Variants in MYO1E observed in about 807,000 individuals in gnomAD.
MYO1E encodes the protein myosin IE, also known as unconventional myosin-Ie.
A neutral mutation model predicts 151.1 loss-of-function variants in MYO1E; 68 were observed. The ratio of observed to expected loss-of-function variants is 0.45; its 90% confidence interval spans 0.37 to 0.55. The LOEUF is 0.55. Ranked by LOEUF, MYO1E falls within the 20% of genes least tolerant of loss-of-function variation. MYO1E has a pLI of 0.00. For missense variants in MYO1E, 1,363 were observed against 1,389.3 expected, an observed-to-expected ratio of 0.98 and a Z score of 0.30; for synonymous variants, 601 against 501.7, an observed-to-expected ratio of 1.20 and a Z score of -2.64.
chr15:59,277,275 G>A (rs1453805652), intron 1 of MYO1E, among the ~76,000 whole-genome samples: 2 of 152,060 alleles, frequency 1.3e-5, no homozygotes, highest in African/African-American at 2.4e-5. Context: ...GGCCAGGCGC[G>A]GTGGCTCATA....
intron 1 of MYO1E, among the ~76,000 whole-genome samples, chr15:59,357,768 G>A (rs992600574): frequency 6.6e-6 from 1 of 152,116 alleles, no homozygotes; most frequent in South Asian, 2.1e-4. Flanking sequence ...AATTTTCAAT[G>A]ATGAGGCTCA....
chr15:59,365,361 T>C (rs1202681347), intron 1 of MYO1E, among the ~76,000 whole-genome samples: 7 of 152,110 alleles, frequency 4.6e-5, no homozygotes, highest in African/African-American at 1.7e-4. Flanking sequence ...TACAGTAACC[T>C]TCCACCTACA....
At chr15:59,296,111 T>C (rs1378808420) in intron 1 of MYO1E, among the ~76,000 whole-genome samples, 1 of 152,106 alleles carries the variant, frequency 6.6e-6, no homozygotes, top group Non-Finnish European at 1.5e-5. Flanking sequence ...AGCTTAGCAA[T>C]GCACCACCCT....
At chr15:59,288,920 C>T (rs2080403540) in intron 1 of MYO1E, among the ~76,000 whole-genome samples, 1 of 152,148 alleles carries the variant, frequency 6.6e-6, no homozygotes. Flanking sequence ...AGACTGATGC[C>T]TTGTAGGCAA....
chr15:59,157,502 T>C (rs2140308812), intron 25 of MYO1E, among the ~76,000 whole-genome samples: 1 of 152,290 alleles, frequency 6.6e-6, no homozygotes, highest in Middle Eastern at 3.4e-3. Flanking sequence ...GAACAATTCC[T>C]AAGGCTTAGG....
intron 1 of MYO1E, among the ~76,000 whole-genome samples, chr15:59,347,758 T>C (rs968718142): frequency 8.6e-5 from 13 of 152,028 alleles, no homozygotes; most frequent in African/African-American, 3.1e-4. Context: ...TAAATTATTT[T>C]TAAGACCACT....
intron 1 of MYO1E, among the ~76,000 whole-genome samples, chr15:59,321,873 G>C (rs1386795241): frequency 6.7e-5 from 10 of 149,794 alleles, no homozygotes; most frequent in African/African-American, 2.5e-4. Context: ...CTCAAAAAAA[G>C]AAAAGAAAAG....
chr15:59,263,609 T>C (rs2080236741), intron 2 of MYO1E, among the ~76,000 whole-genome samples: 1 of 152,222 alleles, frequency 6.6e-6, no homozygotes, highest in South Asian at 2.1e-4. Context: ...GCATGCAGAA[T>C]GACATGATTA....
chr15:59,173,898 T>G lies in MYO1E; in HGVS notation c.2182A>C (p.Asn728His). The change falls in exon 21 of 28, where the codon AAC becomes CAC. Residue 728 changes from asparagine to histidine, a missense_variant. Asn to His is a moderately conservative substitution (Grantham distance 68). Transcript: ENST00000288235. Reference sequence around the variant, plus strand: ...CTGTTTCTCCTTCTCTCCTTCTTGTTCAATAAGAGGTCTGAGGCTACAATT... The same window carrying G: ...CTGTTTCTCCTTCTCTCCTTCTTGTGCAATAAGAGGTCTGAGGCTACAATT... ...MREEASDLLL[N>H]KKERRRNSIN... 3.7e-6 allele frequency: 6 copies of G among 1,614,148 alleles called. No individual in the cohort carries two copies. The highest frequency in any genetic ancestry group is 5.1e-6 in the Non-Finnish European group (6 of 1,180,020).
At chr15:59,212,038 C>T (rs1407747169) in intron 12 of MYO1E, among the ~76,000 whole-genome samples, 2 of 152,120 alleles carry the variant, frequency 1.3e-5, no homozygotes, top group Non-Finnish European at 2.9e-5. Flanking sequence ...GGTCCTCATT[C>T]CACTTACTGT....
In MYO1E at chr15:59,147,596, C is replaced by CAA. The variant is rs748173480; in HGVS notation, c.3080+5992_3080+5993dup. 1.5e-3 allele frequency among the ~76,000 whole-genome samples: 97 copies of CAA among 66,090 alleles called. 2 individuals are homozygous for CAA. Among genetic ancestry groups the CAA allele is most frequent in the African/African-American group, 5.6e-3 (86 of 15,454 alleles). 43.4% of individuals were successfully genotyped at this position (66,090 alleles called of 152,430 possible). A position where few individuals can be genotyped will look rare whatever the true frequency, so the allele number is the denominator to read the frequency against. Reference sequence around the variant, plus strand: ...TGGGTGACAGAGTGAGACTCTGTCTCAAAAAAAAAAAAAAAAAAACAATAC... The same window carrying CAA: ...TGGGTGACAGAGTGAGACTCTGTCTCAAAAAAAAAAAAAAAAAAAAACAATAC... On this transcript the variant is annotated intron_variant, in intron 26 of 27. Transcript: ENST00000288235.
chr15:59,139,772 ACTC>A (rs2079398469), intron 26 of MYO1E, among the ~76,000 whole-genome samples: 1 of 145,404 alleles, frequency 6.9e-6, no homozygotes, highest in Non-Finnish European at 1.5e-5. Context: ...CCTCATTATT[ACTC>A]CTCACACTTC....
chr15:59,188,359 G>A lies in MYO1E; in HGVS notation c.1806-143C>T, dbSNP rs2079711784. 9.7e-6 allele frequency: 7 copies of A among 719,140 alleles called. No homozygotes were observed. In the East Asian group the frequency reaches 1.8e-4, roughly 19 times the overall value. 44.5% of individuals were successfully genotyped at this position (719,140 alleles called of 1,614,324 possible). The stretch of plus-strand genomic sequence containing the variant: ...ACAATTTATAGTGTTCAAACACTGA[G>A]CTGACCTCTCAGATGACATAATGCT... On this transcript the variant is annotated intron_variant, in intron 17 of 27. Transcript: ENST00000288235.
At chr15:59,224,987 C>G (rs527748009) in intron 7 of MYO1E, among the ~76,000 whole-genome samples, 164 bp from the exon 8 acceptor site, 4 of 152,356 alleles carry the variant, frequency 2.6e-5, no homozygotes, top group African/African-American at 9.6e-5. Context: ...CCCAGGTCAT[C>G]TCTGCAAATT....
chr15:59,245,756 C>T (rs907593321), intron 4 of MYO1E, among the ~76,000 whole-genome samples: 7 of 152,204 alleles, frequency 4.6e-5, no homozygotes, highest in Admixed American at 1.3e-4. Flanking sequence ...AAAACTGCCA[C>T]ATAAATGTTC....
intron 1 of MYO1E, among the ~76,000 whole-genome samples, chr15:59,285,500 G>A (rs2080382292): frequency 6.6e-6 from 1 of 151,800 alleles, no homozygotes; most frequent in Admixed American, 6.6e-5. Flanking sequence ...TGGGCTTACA[G>A]AAGGTGCCCA....
At chr15:59,196,745 G>C (rs772837711) in intron 16 of MYO1E, among the ~76,000 whole-genome samples, 45 of 152,120 alleles carry the variant, frequency 3.0e-4, no homozygotes, top group Admixed American at 8.5e-4. Flanking sequence ...GGACAGACAG[G>C]GCTGCAGAGG....
At chr15:59,232,939 C>T (rs2080037243) in intron 5 of MYO1E, among the ~76,000 whole-genome samples, 1 of 152,046 alleles carries the variant, frequency 6.6e-6, no homozygotes, top group Non-Finnish European at 1.5e-5. Context: ...AGGGAATCAT[C>T]CTTAGCCATG....
chr15:59,267,777 T>C (rs2080265321), intron 2 of MYO1E, among the ~76,000 whole-genome samples: 1 of 152,252 alleles, frequency 6.6e-6, no homozygotes, highest in Admixed American at 6.5e-5. Flanking sequence ...GACAACACTG[T>C]AATGTTTTCC....
Sources: gnomAD v4.1 joint callset for allele counts (sites outside exome capture counted in the v4.1 genomes callset) on GRCh38, gnomAD v4.1.1 for gene constraint, MANE v1.5 for transcripts, NCBI Gene and HGNC (gene_info 2026-07-23, HGNC 2026-07-21) for gene names.